FYB2: variants seen among roughly 807,000 people sequenced by gnomAD.
FYB2 encodes FYN binding protein 2.
In FYB2, 103 loss-of-function variants were observed where a neutral mutation model predicts 94.1. That is an observed-to-expected ratio of 1.09 (90% confidence interval 0.93 to 1.29). FYB2 has a LOEUF of 1.29. FYB2 is among the 50% of genes most tolerant of loss of function. The pLI, the probability that FYB2 is intolerant of heterozygous loss-of-function variation, is 0.00. For synonymous variants in FYB2, 293 were observed against 287.9 expected, an observed-to-expected ratio of 1.02 and a Z score of -0.18; for missense variants, 896 against 841.5, an observed-to-expected ratio of 1.06 and a Z score of -0.80.
chr1:56,724,955 C>T (rs891142603), intron 16 of FYB2, among the ~76,000 whole-genome samples: 2 of 151,948 alleles, frequency 1.3e-5, no homozygotes, highest in African/African-American at 4.8e-5. Flanking sequence ...GAGTGAGTTA[C>T]CACTCTCACA....
intron 16 of FYB2, among the ~76,000 whole-genome samples, chr1:56,725,862 T>TC (rs1219004199): frequency 6.6e-6 from 1 of 151,948 alleles, no homozygotes; most frequent in Non-Finnish European, 1.5e-5. Flanking sequence ...AGCAAATATT[T>TC]CCCCAAGTCA....
intron 15 of FYB2, among the ~76,000 whole-genome samples, chr1:56,729,365 G>A (rs1477347320): frequency 6.6e-6 from 1 of 151,984 alleles, no homozygotes. Context: ...GTGATGGGAA[G>A]GGAAAGGCAC....
chr1:56,807,959 A>T (rs762990022), intron 1 of FYB2, among the ~76,000 whole-genome samples: 7 of 152,192 alleles, frequency 4.6e-5, no homozygotes, highest in Non-Finnish European at 7.3e-5. Flanking sequence ...GGTAAATAGT[A>T]TATTTTCTAG....
At chr1:56,722,652 G>A (rs954545321) in intron 17 of FYB2, among the ~76,000 whole-genome samples, 1 of 151,966 alleles carries the variant, frequency 6.6e-6, no homozygotes, top group Admixed American at 6.6e-5. Context: ...AGATAGAGGT[G>A]GAGGTTCATT....
Position 56,818,892 on chromosome 1 carries a change from G to T in FYB2, c.9+390C>A, listed in dbSNP as rs551903376. ...AGCACCAAGCACTGCTCTCTGACCA[G>T]GAGGCCCGCTAATCACTGCAGAGGC... On this transcript the variant is annotated intron_variant, in intron 1 of 19. Coordinates refer to ENST00000343433, the MANE Select transcript of FYB2 (RefSeq NM_001004303.5). 5.6e-4 allele frequency among the ~76,000 whole-genome samples: 86 copies of T among 152,264 alleles called. No homozygotes were observed. The South Asian group carries it at 7.1e-3, about 12-fold the overall frequency.
At chr1:56,743,259 A>C (rs1644995826) in intron 11 of FYB2, among the ~76,000 whole-genome samples, 1 of 152,048 alleles carries the variant, frequency 6.6e-6, no homozygotes, top group Non-Finnish European at 1.5e-5. Context: ...TTGAATATCT[A>C]ACATGTACTT....
chr1:56,728,505 G>C (rs531442569), intron 15 of FYB2, among the ~76,000 whole-genome samples: 1 of 152,096 alleles, frequency 6.6e-6, no homozygotes, highest in African/African-American at 2.4e-5. Context: ...TTACAATTCT[G>C]AGAAAAATAT....
intron 4 of FYB2, among the ~76,000 whole-genome samples, chr1:56,777,262 A>C (rs1645900884): frequency 6.7e-6 from 1 of 149,760 alleles, no homozygotes; most frequent in Non-Finnish European, 1.5e-5. Context: ...AAAAAAAAAA[A>C]AAAAAAAAAA....
intron 16 of FYB2, among the ~76,000 whole-genome samples, chr1:56,723,883 C>T (rs1301110022): frequency 6.6e-6 from 1 of 151,916 alleles, no homozygotes; most frequent in African/African-American, 2.4e-5. Context: ...TACAAATACA[C>T]ACATATATTT....
Position 56,792,300 on chromosome 1 carries a change from C to A in FYB2, c.513G>T (p.Gly171=). ...CTGGAGTAAGCCCCATGCCTTTTTG[C>A]CCTTCCAGATGGATGGCCTTACTTC... is the stretch of plus-strand genomic sequence containing the variant. The part of the protein sequence containing the change: ...NYGSKAIHLE[G]QKGMGLTPEE... Residue 171 remains glycine, a synonymous_variant, in exon 2 of 20, where the codon GGG becomes GGT. Coordinates refer to ENST00000343433, the MANE Select transcript of FYB2 (RefSeq NM_001004303.5). 6.2e-7 allele frequency: 1 copy of A among 1,613,540 alleles called. No homozygotes were observed. The highest frequency in any genetic ancestry group is 8.5e-7 in the Non-Finnish European group (1 of 1,179,846).
At chr1:56,806,559 T>C (rs1470715177) in intron 1 of FYB2, among the ~76,000 whole-genome samples, 1 of 152,178 alleles carries the variant, frequency 6.6e-6, no homozygotes, top group Non-Finnish European at 1.5e-5. Flanking sequence ...TACATATTTA[T>C]GGTTCAAAAT....
At chr1:56,771,556 C>T (rs537550605) in intron 4 of FYB2, among the ~76,000 whole-genome samples, 5 of 152,150 alleles carry the variant, frequency 3.3e-5, no homozygotes, top group South Asian at 2.1e-4. Flanking sequence ...CTGTACTGTC[C>T]GCATTTGGTA....
chr1:56,764,591 T>G (rs138589314), intron 5 of FYB2, among the ~76,000 whole-genome samples: 92 of 152,238 alleles, frequency 6.0e-4, no homozygotes, highest in African/African-American at 2.2e-3. Context: ...AGAGACATTT[T>G]ATTTCTTTGA....
upstream of FYB2, chr1:56,824,189 G>A (rs563573824): frequency 4.6e-5 from 7 of 152,320 alleles, no homozygotes; most frequent in East Asian, 1.4e-3. Context: ...TACCTTAACT[G>A]TGTAATTTGT....
chr1:56,793,164 C>T (rs1447220135), intron 1 of FYB2, among the ~76,000 whole-genome samples: 1 of 152,128 alleles, frequency 6.6e-6, no homozygotes, highest in Non-Finnish European at 1.5e-5. Context: ...AAATTCCAAA[C>T]TGCTTTATAC....
At chr1:56,785,494 C>T (rs1646113553) in intron 4 of FYB2, among the ~76,000 whole-genome samples, 1 of 152,176 alleles carries the variant, frequency 6.6e-6, no homozygotes, top group African/African-American at 2.4e-5. Flanking sequence ...CTTGTGCTGT[C>T]ATTTAACTCT....
intron 5 of FYB2, among the ~76,000 whole-genome samples, chr1:56,762,846 C>T (rs757217242): frequency 6.6e-6 from 1 of 152,164 alleles, no homozygotes; most frequent in Non-Finnish European, 1.5e-5. Flanking sequence ...CAGTGTTTCA[C>T]CATTAAGTAT....
At chr1:56,752,121 A>G (rs918962306) in intron 8 of FYB2, among the ~76,000 whole-genome samples, 2 of 151,946 alleles carry the variant, frequency 1.3e-5, no homozygotes, top group African/African-American at 4.8e-5. Flanking sequence ...GTAAGAGTTG[A>G]AGGAAAAAGA....
chr1:56,752,214 A>G (rs1645216379), intron 8 of FYB2, among the ~76,000 whole-genome samples: 1 of 152,032 alleles, frequency 6.6e-6, no homozygotes, highest in Non-Finnish European at 1.5e-5. Context: ...TGCAAAGCAA[A>G]GAGTTTGGGC....
Sources: allele counts gnomAD v4.1 joint callset (sites outside exome capture counted in the v4.1 genomes callset), GRCh38; gene constraint gnomAD v4.1.1; transcripts MANE v1.5; gene names NCBI Gene and HGNC (gene_info 2026-07-23, HGNC 2026-07-21).